The following POLQ variants were observed in gnomAD, a reference collection of about 807,000 sequenced individuals.
POLQ encodes epididymis secretory sperm binding protein.
A neutral mutation model predicts 259.2 loss-of-function variants in POLQ; 233 were observed. The observed-to-expected ratio is 0.90, with a 90% CI of 0.81 to 1.00. The LOEUF (loss-of-function observed/expected upper bound fraction) is 1.00, where lower values mean the gene tolerates loss of function less well. Among genes scored for constraint, POLQ ranks in the 50% least tolerant of loss-of-function variants. The pLI is 0.00. For missense variants in POLQ, 2,871 were observed against 3,051.6 expected, an observed-to-expected ratio of 0.94 and a Z score of 1.39; for synonymous variants, 1,025 against 1,048.8, an observed-to-expected ratio of 0.98 and a Z score of 0.44.
In POLQ at chr3:121,510,228, C is replaced by A; in HGVS notation, c.1627G>T (p.Val543Leu). The A allele has an allele frequency of 6.2e-7, 1 of 1,610,428 alleles. No homozygotes were observed. Among genetic ancestry groups the A allele is most frequent in the Non-Finnish European group, 8.5e-7 (1 of 1,176,816 alleles). ...TGCATATCTTGTGATGTACTTGCCACTCCACCAACTATTATCTGAAAGAAG... is the reference window on the plus strand; with the variant it reads ...TGCATATCTTGTGATGTACTTGCCAATCCACCAACTATTATCTGAAAGAAG... ...RAILEIIVGGVASTSQDMHTY... is the reference protein window; with the variant it reads ...RAILEIIVGGLASTSQDMHTY... The change falls in exon 11 of 30, where the codon GTG (valine) becomes TTG (leucine). Residue 543 changes from valine (V) to leucine (L), a missense_variant. Around this residue, in one of 3 missense-constraint regions of POLQ, gnomAD observed 783 missense variants for 906.2 expected, o/e 0.86. Transcript: ENST00000264233.
intron 27 of POLQ, 120 bp downstream of exon 27, chr3:121,439,871 TA>T (rs1560083610): frequency 1.2e-6 from 1 of 854,446 alleles, no homozygotes; most frequent in African/African-American, 1.7e-5. Flanking sequence ...ACGTTGTCTA[TA>T]CAGAAAATCC....
intron 19 of POLQ, among the ~76,000 whole-genome samples, chr3:121,479,735 G>C (rs967888246): frequency 6.6e-6 from 1 of 152,056 alleles, no homozygotes; most frequent in East Asian, 1.9e-4. Flanking sequence ...TTACAGGCAT[G>C]AGCCACTGCA....
intron 27 of POLQ, among the ~76,000 whole-genome samples, chr3:121,439,528 T>C (rs2047571746): frequency 6.6e-6 from 1 of 152,206 alleles, no homozygotes; most frequent in South Asian, 2.1e-4. Context: ...CCACTGTGCC[T>C]GGCCAGATAG....
intron 6 of POLQ, 130 bp downstream of exon 6, chr3:121,532,844 CTTTAAGAGGAAACCAG>C: frequency 1.6e-6 from 1 of 606,162 alleles, no homozygotes; most frequent in South Asian, 2.6e-5. Flanking sequence ...ACCACCAATT[CTTTAAGAGGAAACCAG>C]TTAGCTTAAT....
chr3:121,439,020 G>A (rs2047566460), intron 27 of POLQ, among the ~76,000 whole-genome samples: 1 of 151,684 alleles, frequency 6.6e-6, no homozygotes, highest in African/African-American at 2.4e-5. Context: ...ATGGGTGAAG[G>A]GCAAAAAACA....
chr3:121,502,970 A>C (rs115949707), intron 12 of POLQ, among the ~76,000 whole-genome samples: 1 of 152,206 alleles, frequency 6.6e-6, no homozygotes, highest in African/African-American at 2.4e-5. Flanking sequence ...ATAGAGAAAA[A>C]TGTACAAAAT....
rs577752085 is a variant in POLQ at position 121,480,196 on chromosome 3, C to T, written c.6211+1376G>A. Among the ~76,000 whole-genome samples, 3 of 150,974 alleles carry T rather than the reference C, an allele frequency of 2.0e-5. No homozygotes were observed. In the South Asian group the frequency reaches 6.3e-4, roughly 32 times the overall value. The stretch of plus-strand genomic sequence containing the variant: ...AAAAAAAATATATATATATAGCTTA[C>T]CAAATATATTCAAAAAGAAATAACT... On this transcript the variant is annotated intron_variant, in intron 19 of 29. Coordinates refer to ENST00000264233, the MANE Select transcript of POLQ (RefSeq NM_199420.4).
chr3:121,519,550 C>T (rs571667532), intron 9 of POLQ, among the ~76,000 whole-genome samples: 3 of 150,296 alleles, frequency 2.0e-5, no homozygotes, highest in African/African-American at 7.3e-5. Context: ...GTGGCAGGCG[C>T]CTGTAGTCCC....
At chr3:121,531,118 C>T (rs754526026) in intron 6 of POLQ, among the ~76,000 whole-genome samples, 9 of 152,038 alleles carry the variant, frequency 5.9e-5, no homozygotes, top group Non-Finnish European at 8.8e-5. Context: ...ACCCGGGAGG[C>T]GGAGGTTGCG....
chr3:121,521,864 C>T (rs2048338607), intron 8 of POLQ, 139 bp downstream of exon 8: 2 of 579,932 alleles, frequency 3.4e-6, no homozygotes, highest in Non-Finnish European at 5.5e-6. Flanking sequence ...AGCCACCACG[C>T]CCAGCCCACA....
In POLQ at chr3:121,483,427, AAAG is replaced by A. The variant is rs760160372; in HGVS notation, c.5926_5928del (p.Leu1976del). ...CTTTGCTCCAAGGAGATGCCACAAGAAAGAAGAAGAATTTTATAGCTCTGGATG... is the reference window on the plus strand; with the variant it reads ...CTTTGCTCCAAGGAGATGCCACAAGAAAGAAGAATTTTATAGCTCTGGATG... On this transcript the variant is annotated inframe_deletion, in exon 18 of 30. Transcript: ENST00000264233. 49 of 1,588,698 alleles carry A rather than the reference AAAG, an allele frequency of 3.1e-5. No homozygotes were observed. The highest frequency in any genetic ancestry group is 6.8e-5 in the East Asian group (3 of 44,348).
chr3:121,511,003 G>A (rs899964416), intron 10 of POLQ, among the ~76,000 whole-genome samples: 2 of 151,178 alleles, frequency 1.3e-5, no homozygotes, highest in Non-Finnish European at 3.0e-5. Context: ...CGAGGCAGGC[G>A]GATCACGAGG....
At chr3:121,438,036 A>G (rs1039276099) in intron 27 of POLQ, among the ~76,000 whole-genome samples, 4 of 152,176 alleles carry the variant, frequency 2.6e-5, no homozygotes, top group Admixed American at 2.6e-4. Context: ...CACTGACAGT[A>G]TTCTATTTCT....
intron 12 of POLQ, among the ~76,000 whole-genome samples, chr3:121,499,366 A>C (rs2048148778): frequency 6.6e-6 from 1 of 151,780 alleles, no homozygotes; most frequent in Non-Finnish European, 1.5e-5. Flanking sequence ...AATCCTCCCA[A>C]GTCAGCCTCC....
At position 121,545,934 on chromosome 3, in the gene POLQ, G is replaced by C. The variant is rs751191323; in HGVS notation, c.-57C>G. 1.9e-6 allele frequency: 3 copies of C among 1,593,464 alleles called. No individual in the cohort carries two copies. In the East Asian group the frequency reaches 6.7e-5, roughly 36 times the overall value. On this transcript the variant is annotated 5_prime_UTR_variant, in exon 1 of 30. Transcript: ENST00000264233. ...CACAGTCCCAGCGTCCTCCCTCTCGGGAGAACCCTGGCCTGGCAACAGCTG... is the reference window on the plus strand; with the variant it reads ...CACAGTCCCAGCGTCCTCCCTCTCGCGAGAACCCTGGCCTGGCAACAGCTG...
At chr3:121,481,524 C>G (rs776149520) in intron 19 of POLQ, 48 bp downstream of exon 19, 24 of 1,506,402 alleles carry the variant, frequency 1.6e-5, no homozygotes, top group Middle Eastern at 1.8e-4. Flanking sequence ...GTGGCTAAAT[C>G]TCTATCTCTA....
intron 21 of POLQ, among the ~76,000 whole-genome samples, chr3:121,473,088 G>T (rs1338164605): frequency 2.6e-5 from 4 of 152,198 alleles, no homozygotes; most frequent in African/African-American, 9.6e-5. Flanking sequence ...GCCAGGCATG[G>T]TGGTACACCT....
chr3:121,540,139 T>C (rs1041358858), intron 3 of POLQ, among the ~76,000 whole-genome samples: 1 of 152,138 alleles, frequency 6.6e-6, no homozygotes, highest in African/African-American at 2.4e-5. Flanking sequence ...ACTTTGGGTC[T>C]AAGTTGAGTG....
chr3:121,480,836 G>C (rs912337970), intron 19 of POLQ, among the ~76,000 whole-genome samples: 1 of 152,122 alleles, frequency 6.6e-6, no homozygotes, highest in Admixed American at 6.6e-5. Flanking sequence ...CAGCTCATAA[G>C]TGGATAACCC....
Sources: gnomAD v4.1 joint callset for allele counts (sites outside exome capture counted in the v4.1 genomes callset) on GRCh38, gnomAD v4.1.1 for gene constraint, gnomAD v4.1.1 regional missense constraint, MANE v1.5 for transcripts, NCBI Gene and HGNC (gene_info 2026-07-23, HGNC 2026-07-21) for gene names.